Variants in PCDHGA2 observed in about 807,000 individuals in gnomAD.
PCDHGA2 encodes protocadherin gamma-A2.
A neutral mutation model predicts 59.2 loss-of-function variants in PCDHGA2; 40 were observed. The observed-to-expected ratio is 0.68, with a 90% CI of 0.52 to 0.88. PCDHGA2 has a LOEUF of 0.88. PCDHGA2 is among the 40% of genes least tolerant of loss of function. The probability of loss-of-function intolerance (pLI) is 0.00; values close to 1 mark genes in which losing one functional copy is unlikely to be tolerated. For synonymous variants in PCDHGA2, 560 were observed against 526.0 expected (o/e 1.06, Z -0.89); for missense variants, 1,226 against 1,204.0 (o/e 1.02, Z -0.27).
chr5:141,389,658 G>T (rs750579245), intron 1 of PCDHGA2: 17 of 1,612,424 alleles, frequency 1.1e-5, no homozygotes, highest in Non-Finnish European at 8.5e-7. Flanking sequence ...GGTAGTGGCG[G>T]TGGACGCAGA....
chr5:141,366,765 T>G (rs373961637), intron 1 of PCDHGA2: 1 of 1,604,708 alleles, frequency 6.2e-7, no homozygotes, highest in East Asian at 2.2e-5. Flanking sequence ...AGTTTTCTCT[T>G]TCGGTAAGGA....
intron 1 of PCDHGA2, among the ~76,000 whole-genome samples, chr5:141,479,837 G>A (rs563513895): frequency 3.9e-5 from 6 of 152,338 alleles, no homozygotes; most frequent in Non-Finnish European, 8.8e-5. Flanking sequence ...TGGTATCCAT[G>A]CAAGGTGACT....
intron 1 of PCDHGA2, chr5:141,375,643 C>T (rs1443985601): frequency 1.9e-6 from 3 of 1,614,092 alleles, no homozygotes; most frequent in Admixed American, 3.3e-5. Flanking sequence ...TGCGCTCCTT[C>T]GACTATGAGC....
At chr5:141,420,314 A>C (rs1454977890) in intron 1 of PCDHGA2, 1 of 1,442,690 alleles carries the variant, frequency 6.9e-7, no homozygotes. Flanking sequence ...TTTATATTAC[A>C]ATATGCCAAT....
intron 1 of PCDHGA2, chr5:141,394,893 G>T: frequency 4.3e-6 from 7 of 1,613,858 alleles, no homozygotes; most frequent in Non-Finnish European, 5.9e-6. Flanking sequence ...ACTCTATCTC[G>T]TGGTGGCAGT....
intron 1 of PCDHGA2, among the ~76,000 whole-genome samples, chr5:141,402,647 A>C (rs2094289901): frequency 6.6e-6 from 1 of 152,250 alleles, no homozygotes; most frequent in Non-Finnish European, 1.5e-5. Flanking sequence ...TCATAATTAG[A>C]AGAGAGTAGT....
At chr5:141,427,812 G>A (rs1380721111) in intron 1 of PCDHGA2, 1 of 1,524,286 alleles carries the variant, frequency 6.6e-7, no homozygotes, top group African/African-American at 1.4e-5. Context: ...CGCACAGAGC[G>A]GGGTGGTGGT....
chr5:141,485,239 C>T lies in PCDHGA2; in HGVS notation c.2425-9568C>T. ...GGGCTACCCTTTTGTTCCTCTTTTA[C>T]CACCTGGGTTACGTTTGTGGGCAGA... On this transcript the variant is annotated intron_variant, in intron 1 of 3. Transcript: ENST00000394576. This position sits in a 1 kb window ranked among gnomAD's most constrained non-coding sequence, Gnocchi z 5.7. The T allele has an allele frequency of 6.2e-7, 1 of 1,614,140 alleles. No homozygotes were observed. Among genetic ancestry groups the T allele is most frequent in the South Asian group, 1.1e-5 (1 of 91,072 alleles).
intron 1 of PCDHGA2, among the ~76,000 whole-genome samples, chr5:141,401,424 T>G (rs1408860840): frequency 6.6e-6 from 1 of 152,170 alleles, no homozygotes; most frequent in Non-Finnish European, 1.5e-5. Flanking sequence ...AGAGACTGAT[T>G]CACTGAACTT....
At chr5:141,389,755 T>C in intron 1 of PCDHGA2, 1 of 1,612,872 alleles carries the variant, frequency 6.2e-7, no homozygotes, top group African/African-American at 1.3e-5. Context: ...ACGGGCGAAG[T>C]GCGCACAGCG....
At chr5:141,393,050 G>A (rs1270447503) in intron 1 of PCDHGA2, 2 of 1,613,668 alleles carry the variant, frequency 1.2e-6, no homozygotes, top group East Asian at 2.2e-5. Flanking sequence ...CTCTGAACCC[G>A]CGCAGCGGCA....
chr5:141,417,658 G>C, intron 1 of PCDHGA2: 2 of 869,072 alleles, frequency 2.3e-6, no homozygotes, highest in Non-Finnish European at 1.7e-6. Context: ...TCTAGCCTGG[G>C]ATTCCCTGCG....
At chr5:141,499,330 C>T (rs1040336371) in intron 2 of PCDHGA2, among the ~76,000 whole-genome samples, 1 of 152,170 alleles carries the variant, frequency 6.6e-6, no homozygotes, top group African/African-American at 2.4e-5. Flanking sequence ...CCTGCTCTCT[C>T]TCAGTTTGGG....
chr5:141,465,606 T>C (rs192541390), intron 1 of PCDHGA2, among the ~76,000 whole-genome samples: 22 of 152,338 alleles, frequency 1.4e-4, no homozygotes, highest in African/African-American at 5.3e-4. Context: ...TATCACTCTT[T>C]GGCCCTCCAG....
At chr5:141,369,769 T>C (rs1398107902) in intron 1 of PCDHGA2, among the ~76,000 whole-genome samples, 2 of 152,248 alleles carry the variant, frequency 1.3e-5, no homozygotes, top group African/African-American at 2.4e-5. Context: ...GTGAAGCTGA[T>C]ATTTCAAGCC....
intron 1 of PCDHGA2, chr5:141,344,578 T>A: frequency 6.2e-7 from 1 of 1,614,006 alleles, no homozygotes; most frequent in Non-Finnish European, 8.5e-7. Context: ...TCTCTGGCTG[T>A]GAATAGCGTC....
In PCDHGA2 at chr5:141,487,472, G is replaced by A. The variant is rs2099645737; in HGVS notation, c.2425-7335G>A. The A allele has an allele frequency of 2.5e-6, 4 of 1,614,178 alleles. No individual in the cohort carries two copies. Among genetic ancestry groups the A allele is most frequent in the Non-Finnish European group, 3.4e-6 (4 of 1,180,036 alleles). Reference sequence around the variant, plus strand: ...CCCTATCAAGTTTGTTGATGTGGGAGGCCACTCTCATGGCTGTACACCCTT... The same window carrying A: ...CCCTATCAAGTTTGTTGATGTGGGAAGCCACTCTCATGGCTGTACACCCTT... On this transcript the variant is annotated intron_variant, in intron 1 of 3. Coordinates refer to ENST00000394576, the MANE Select transcript of PCDHGA2 (RefSeq NM_018915.4). This position sits in a 1 kb window ranked among gnomAD's most constrained non-coding sequence, Gnocchi z 5.0.
chr5:141,390,170 T>C lies in PCDHGA2; in HGVS notation c.2424+48775T>C, dbSNP rs773539625. 5 of 1,613,940 alleles carry C rather than the reference T, an allele frequency of 3.1e-6. No individual in the cohort carries two copies. In the African/African-American group the frequency reaches 6.7e-5, roughly 22 times the overall value. ...TTGCACATACAGGAAAGACGGAGTTTAATTTCCTAAAATGTAGTGAGCAGT... is the reference window on the plus strand; with the variant it reads ...TTGCACATACAGGAAAGACGGAGTTCAATTTCCTAAAATGTAGTGAGCAGT... On this transcript the variant is annotated intron_variant, in intron 1 of 3. Transcript: ENST00000394576.
rs1458644316 is a variant in PCDHGA2 at position 141,372,571 on chromosome 5, A to G, written c.2424+31176A>G. 1.9e-6 allele frequency: 3 copies of G among 1,613,904 alleles called. No individual in the cohort carries two copies. In the Admixed American group the frequency reaches 5.0e-5, roughly 27 times the overall value. ...TCCTCCAGACCCGCCACTGAGGGCT[A>G]CTTTCAGCCTGGTGTCTGCTTCAAG... On this transcript the variant is annotated intron_variant, in intron 1 of 3. Transcript: ENST00000394576.
Sources: gnomAD v4.1 joint callset for allele counts (sites outside exome capture counted in the v4.1 genomes callset) on GRCh38, gnomAD v4.1.1 for gene constraint, Gnocchi (gnomAD v3.1) non-coding constraint, MANE v1.5 for transcripts, NCBI Gene and HGNC (gene_info 2026-07-23, HGNC 2026-07-21) for gene names.